The following ACTR3C variants were observed in gnomAD, a reference collection of about 807,000 sequenced individuals.
The protein encoded by ACTR3C is actin related protein 3C.
ACTR3C carries 18 observed loss-of-function variants against 26.3 expected under a neutral mutation model. That is an observed-to-expected ratio of 0.68 (90% confidence interval 0.47 to 1.01). The LOEUF (loss-of-function observed/expected upper bound fraction) is 1.01. Among genes scored for constraint, ACTR3C ranks in the 50% least tolerant of loss-of-function variants. ACTR3C has a pLI of 0.00. For synonymous variants in ACTR3C, 55 were observed against 94.5 expected, an observed-to-expected ratio of 0.58 and a Z score of 2.42; for missense variants, 184 against 250.7, an observed-to-expected ratio of 0.73 and a Z score of 1.80.
chr7:149,967,456 G>C, the ACTR3C span, among the ~76,000 whole-genome samples: 3 of 152,190 alleles, frequency 2.0e-5, no homozygotes, highest in Non-Finnish European at 2.9e-5. Flanking sequence ...ACAGGTGTTT[G>C]CCACCGTGTC....
At chr7:149,995,809 G>T in the ACTR3C span, among the ~76,000 whole-genome samples, 1 of 152,286 alleles carries the variant, frequency 6.6e-6, no homozygotes, top group East Asian at 1.9e-4. Flanking sequence ...GGCACCGTTG[G>T]CAGGACCAGC....
the ACTR3C span, among the ~76,000 whole-genome samples, chr7:150,015,140 G>A: frequency 2.0e-5 from 3 of 152,264 alleles, no homozygotes; most frequent in South Asian, 4.2e-4. Context: ...TTCAGCCATG[G>A]TTGAGGGCCA....
chr7:149,978,970 G>T, the ACTR3C span, among the ~76,000 whole-genome samples: 1 of 151,788 alleles, frequency 6.6e-6, no homozygotes. Flanking sequence ...TACCGTGAGC[G>T]GAAAATCCCT....
chr7:150,300,100 G>C (rs34057333), intron 1 of ACTR3C, among the ~76,000 whole-genome samples: 1 of 152,048 alleles, frequency 6.6e-6, no homozygotes, highest in African/African-American at 2.4e-5. Context: ...CACCTATAAT[G>C]CCAACACTTT....
intron 6 of ACTR3C, among the ~76,000 whole-genome samples, chr7:150,279,932 T>C (rs935298260): frequency 6.6e-6 from 1 of 152,098 alleles, no homozygotes; most frequent in Non-Finnish European, 1.5e-5. Context: ...TTAAATCCCC[T>C]AATTTAACAA....
chr7:150,035,544 T>A, the ACTR3C span, among the ~76,000 whole-genome samples: 300 of 113,234 alleles, frequency 2.6e-3, no homozygotes, highest in African/African-American at 6.3e-3. Flanking sequence ...CTCCCCCTCC[T>A]GCGATGGGGG....
At chr7:149,887,750 G>A in the ACTR3C span, among the ~76,000 whole-genome samples, 1 of 152,008 alleles carries the variant, frequency 6.6e-6, no homozygotes, top group Non-Finnish European at 1.5e-5. Context: ...AACTTGAATT[G>A]TATCTCCCAG....
chr7:150,249,420 C>T lies in ACTR3C; in HGVS notation c.565-366G>A, dbSNP rs568380707. 1.0e-3 allele frequency among the ~76,000 whole-genome samples: 154 copies of T among 152,188 alleles called. 1 individual carries two copies. Among genetic ancestry groups the T allele is most frequent in the Middle Eastern group, 3.4e-3 (1 of 294 alleles). ...AAACCTACCCTTACAGAAGGGCTGA[C>T]GGAAGCATTTTTTTATTTTTGTTTT... is the stretch of plus-strand genomic sequence containing the variant. On this transcript the variant is annotated intron_variant, in intron 6 of 7. Coordinates refer to ENST00000683684, the MANE Select transcript of ACTR3C (RefSeq NM_001164458.2).
chr7:150,215,442 G>A, the ACTR3C span, among the ~76,000 whole-genome samples: 5,466 of 152,116 alleles, frequency 0.036, 118 homozygotes, highest in African/African-American at 0.059. Flanking sequence ...GAGATATTAC[G>A]ATTATTAATC....
the ACTR3C span, chr7:150,047,796 G>A: frequency 4.4e-5 from 67 of 1,528,190 alleles, no homozygotes; most frequent in East Asian, 1.6e-3. Context: ...CTCCGGGGGC[G>A]TGGGGAAGGA....
At chr7:150,113,677 T>C in the ACTR3C span, among the ~76,000 whole-genome samples, 1 of 152,232 alleles carries the variant, frequency 6.6e-6, no homozygotes, top group African/African-American at 2.4e-5. Context: ...AACTCAGGGG[T>C]GTAAAATCTT....
chr7:150,154,346 T>A, the ACTR3C span, among the ~76,000 whole-genome samples: 11 of 152,300 alleles, frequency 7.2e-5, no homozygotes, highest in East Asian at 3.9e-4. Context: ...CTCTTTTTTT[T>A]AAATAAATCT....
intron 1 of ACTR3C, among the ~76,000 whole-genome samples, chr7:150,311,898 T>C (rs1239019411): frequency 6.6e-6 from 1 of 152,190 alleles, no homozygotes; most frequent in Non-Finnish European, 1.5e-5. Context: ...TGACTCCAAA[T>C]ATGCTTTCCA....
At chr7:150,206,319 G>A in the ACTR3C span, among the ~76,000 whole-genome samples, 2 of 152,178 alleles carry the variant, frequency 1.3e-5, no homozygotes, top group Non-Finnish European at 2.9e-5. Context: ...TATTCCCCTG[G>A]GAGTGCTTGT....
the ACTR3C span, among the ~76,000 whole-genome samples, chr7:149,902,948 A>AAAAG: frequency 3.6e-5 from 1 of 27,978 alleles, no homozygotes; most frequent in African/African-American, 5.0e-5. Flanking sequence ...AAAAAAAAAA[A>AAAAG]AAAAGAAAGA....
chr7:149,913,735 G>A, the ACTR3C span, among the ~76,000 whole-genome samples: 2 of 150,820 alleles, frequency 1.3e-5, no homozygotes, highest in Admixed American at 6.6e-5. Flanking sequence ...TACGCCACAT[G>A]AAGTCACCTT....
the ACTR3C span, among the ~76,000 whole-genome samples, chr7:150,082,528 G>T: frequency 1.3e-5 from 2 of 152,124 alleles, no homozygotes; most frequent in Non-Finnish European, 2.9e-5. Context: ...CCTCGTGGTG[G>T]CCTTGTCTTG....
the ACTR3C span, among the ~76,000 whole-genome samples, chr7:150,039,387 AACCCGGGGGGGAAGAGGGAC>A: frequency 4.0e-3 from 424 of 106,068 alleles, 2 homozygotes; most frequent in African/African-American, 6.1e-3. Context: ...GGGTCCTAAG[AACCCGGGGGGGAAGAGGGAC>A]TGGCTCTCAG....
At chr7:150,037,182 G>A in the ACTR3C span, among the ~76,000 whole-genome samples, 2 of 49,084 alleles carry the variant, frequency 4.1e-5, 1 homozygote, top group South Asian at 1.1e-3. Flanking sequence ...GGTAGTAACA[G>A]CCAGGGGCGG....
Sources: allele counts gnomAD v4.1 joint callset (sites outside exome capture counted in the v4.1 genomes callset), GRCh38; gene constraint gnomAD v4.1.1; transcripts MANE v1.5; gene names NCBI Gene and HGNC (gene_info 2026-07-23, HGNC 2026-07-21).